Variants in NAV3 observed in about 807,000 individuals in gnomAD.
NAV3 encodes pore membrane and/or filament interacting like protein 1.
NAV3 carries 87 observed loss-of-function variants against 244.7 expected under a neutral mutation model. The ratio of observed to expected loss-of-function variants is 0.36; its 90% CI spans 0.30 to 0.42. The LOEUF is 0.42. Among genes scored for constraint, NAV3 ranks in the 20% least tolerant of loss-of-function variants. The probability of loss-of-function intolerance (pLI) is 1.00; values close to 1 mark genes in which losing one functional copy is unlikely to be tolerated. For missense variants in NAV3, 2,663 were observed against 2,893.3 expected (o/e 0.92, Z 1.83); for synonymous variants, 1,126 against 1,042.2 (o/e 1.08, Z -1.55).
chr12:77,899,708 T>A (rs1885034765), intron 1 of NAV3, among the ~76,000 whole-genome samples: 1 of 152,158 alleles, frequency 6.6e-6, no homozygotes, highest in Admixed American at 6.5e-5. Context: ...TGTTCCTGTA[T>A]CTAAATAATA....
At chr12:77,812,730 G>C (rs1407410035) in intron 2 of NAV3, among the ~76,000 whole-genome samples, 1 of 152,000 alleles carries the variant, frequency 6.6e-6, no homozygotes, top group East Asian at 1.9e-4. Flanking sequence ...ACCTGGTCAG[G>C]AATTTAATTT....
chr12:77,971,760 T>C (rs1472277286), intron 5 of NAV3, among the ~76,000 whole-genome samples: 3 of 152,120 alleles, frequency 2.0e-5, no homozygotes, highest in East Asian at 1.9e-4. Context: ...CAACTTGCTA[T>C]ACTTCTCTGG....
chr12:77,921,377 G>A (rs1887698406), intron 1 of NAV3, among the ~76,000 whole-genome samples: 1 of 152,060 alleles, frequency 6.6e-6, no homozygotes, highest in African/African-American at 2.4e-5. Context: ...TCATAGAAAT[G>A]TTCAAGAACA....
chr12:77,614,345 C>T (rs1346885275), intron 2 of NAV3, among the ~76,000 whole-genome samples: 2 of 152,032 alleles, frequency 1.3e-5, no homozygotes, highest in Non-Finnish European at 2.9e-5. Flanking sequence ...CAGACAACCT[C>T]TTCAACAGAC....
intron 2 of NAV3, among the ~76,000 whole-genome samples, chr12:77,660,371 A>T (rs1873379208): frequency 6.6e-6 from 1 of 152,184 alleles, no homozygotes; most frequent in Non-Finnish European, 1.5e-5. Flanking sequence ...TAGTATCATA[A>T]ACTAAATTAT....
intron 2 of NAV3, among the ~76,000 whole-genome samples, chr12:77,645,949 G>A (rs1474845411): frequency 6.6e-6 from 1 of 152,114 alleles, no homozygotes; most frequent in Admixed American, 6.6e-5. Flanking sequence ...TAACATTTTA[G>A]GAGTGGAATT....
At chr12:77,658,904 A>C (rs904269376) in intron 2 of NAV3, among the ~76,000 whole-genome samples, 3 of 152,250 alleles carry the variant, frequency 2.0e-5, no homozygotes, top group African/African-American at 7.2e-5. Context: ...CTGGCTATCC[A>C]TATGTAGAAA....
chr12:77,994,346 A>T (rs73346664), intron 5 of NAV3, among the ~76,000 whole-genome samples: 2,604 of 151,938 alleles, frequency 0.017, no homozygotes, highest in Middle Eastern at 0.086. Flanking sequence ...TTTAGATTGA[A>T]AAAAGCAAAT....
intron 3 of NAV3, among the ~76,000 whole-genome samples, chr12:77,961,608 T>A (rs1181549803): frequency 8.2e-6 from 1 of 122,070 alleles, no homozygotes; most frequent in Non-Finnish European, 1.6e-5. Context: ...TATATTTGAA[T>A]ATATATTACT....
At chr12:77,663,483 A>G (rs1335080094) in intron 2 of NAV3, among the ~76,000 whole-genome samples, 2 of 152,022 alleles carry the variant, frequency 1.3e-5, no homozygotes, top group African/African-American at 2.4e-5. Context: ...AGTGAGGCTT[A>G]TACTACATAT....
chr12:77,637,097 A>G (rs1872191532), intron 2 of NAV3, among the ~76,000 whole-genome samples: 1 of 152,122 alleles, frequency 6.6e-6, no homozygotes, highest in South Asian at 2.1e-4. Context: ...TGTGTAACAA[A>G]CCTGCACATT....
At chr12:77,694,894 G>A (rs889864633) in intron 2 of NAV3, among the ~76,000 whole-genome samples, 4 of 152,092 alleles carry the variant, frequency 2.6e-5, no homozygotes, top group African/African-American at 4.8e-5. Flanking sequence ...GCCTGCACAT[G>A]GAAAGAGACT....
Position 78,194,180 on chromosome 12 carries a change from A to G in NAV3, c.6292-3067A>G, listed in dbSNP as rs531823626. On this transcript the variant is annotated intron_variant, in intron 34 of 39. Transcript: ENST00000397909. ...TTGTAAGCTTTCTATCATCCTACAC[A>G]TATGTTTCTATTCACCTACTAAATA... 2.0e-4 allele frequency among the ~76,000 whole-genome samples: 30 copies of G among 152,076 alleles called. 1 individual carries two copies. Among genetic ancestry groups the G allele is most frequent in the African/African-American group, 6.7e-4 (28 of 41,510 alleles).
chr12:78,006,774 GGAT>G lies in NAV3; in HGVS notation c.1244_1246del (p.Asp415del), dbSNP rs775648848. The G allele has an allele frequency of 1.9e-6, 3 of 1,614,164 alleles. No homozygotes were observed. The South Asian group carries it at 3.3e-5, about 18-fold the overall frequency. On this transcript the variant is annotated inframe_deletion, in exon 8 of 40. Coordinates refer to ENST00000397909, the MANE Select transcript of NAV3 (RefSeq NM_001024383.2). ...GTTCAGGACCTAGTGATGGTGGGAA[GGAT>G]GATGATGCCTTTTCTGAATCTGGTG...
At chr12:77,658,061 C>T (rs1286374155) in intron 2 of NAV3, among the ~76,000 whole-genome samples, 3 of 150,638 alleles carry the variant, frequency 2.0e-5, no homozygotes, top group African/African-American at 7.2e-5. Flanking sequence ...ACAGGGATGC[C>T]CTCTCTCACC....
intron 2 of NAV3, among the ~76,000 whole-genome samples, chr12:77,816,355 A>T (rs1872527310): frequency 6.6e-6 from 1 of 152,202 alleles, no homozygotes; most frequent in African/African-American, 2.4e-5. Flanking sequence ...GCCTCCAGTA[A>T]AGTGAAAATG....
At chr12:77,747,456 A>G (rs1868608100) in intron 2 of NAV3, among the ~76,000 whole-genome samples, 1 of 152,234 alleles carries the variant, frequency 6.6e-6, no homozygotes, top group African/African-American at 2.4e-5. Context: ...TAGTTCAACC[A>G]TTGTGGAAGT....
chr12:77,707,561 C>T (rs1875887225), intron 2 of NAV3, among the ~76,000 whole-genome samples: 1 of 152,056 alleles, frequency 6.6e-6, no homozygotes, highest in Non-Finnish European at 1.5e-5. Flanking sequence ...ATTTATAATC[C>T]TTTGGGTATA....
intron 5 of NAV3, among the ~76,000 whole-genome samples, chr12:77,969,497 T>G (rs1892815320): frequency 1.3e-5 from 2 of 152,106 alleles, no homozygotes; most frequent in Admixed American, 6.6e-5. Flanking sequence ...GAGTTGAAAT[T>G]GCAGTACGCA....
Sources: allele counts gnomAD v4.1 joint callset (sites outside exome capture counted in the v4.1 genomes callset), GRCh38; gene constraint gnomAD v4.1.1; transcripts MANE v1.5; gene names NCBI Gene and HGNC (gene_info 2026-07-23, HGNC 2026-07-21).